PTK2: variants seen among roughly 807,000 people sequenced by gnomAD.
PTK2 encodes focal adhesion kinase 1.
A neutral mutation model predicts 150.1 loss-of-function variants in PTK2; 45 were observed. That is an observed-to-expected ratio of 0.30 (90% CI 0.24 to 0.38). The LOEUF (loss-of-function observed/expected upper bound fraction) is 0.38, where lower values mean the gene tolerates loss of function less well. Among genes scored for constraint, PTK2 ranks in the 10% least tolerant of loss-of-function variants. The pLI is 1.00. For synonymous variants in PTK2, 432 were observed against 449.2 expected (o/e 0.96, Z 0.48); for missense variants, 919 against 1,307.3 (o/e 0.70, Z 4.58).
intron 7 of PTK2, among the ~76,000 whole-genome samples, chr8:140,840,400 A>G (rs1451955894): frequency 6.6e-6 from 1 of 151,822 alleles, no homozygotes; most frequent in Non-Finnish European, 1.5e-5. Context: ...GCCAAAAATA[A>G]TAACTGTATA....
intron 10 of PTK2, among the ~76,000 whole-genome samples, chr8:140,811,436 T>A (rs189509949): frequency 6.6e-6 from 1 of 152,228 alleles, no homozygotes; most frequent in Admixed American, 6.5e-5. Flanking sequence ...ACTTCAAAGG[T>A]TGAAGAAACG....
At chr8:140,963,301 CAT>C (rs2100184055) in intron 1 of PTK2, among the ~76,000 whole-genome samples, 1 of 152,180 alleles carries the variant, frequency 6.6e-6, no homozygotes, top group Non-Finnish European at 1.5e-5. Context: ...TCCTGTTACA[CAT>C]TTCCGGAAGT....
chr8:140,716,345 G>C (rs1482707325), intron 23 of PTK2, among the ~76,000 whole-genome samples: 4 of 152,186 alleles, frequency 2.6e-5, no homozygotes, highest in Admixed American at 2.6e-4. Flanking sequence ...CAGATGCTGG[G>C]ATGCGGGGTA....
At chr8:140,688,395 A>C (rs1309028692) in intron 26 of PTK2, among the ~76,000 whole-genome samples, 1 of 152,146 alleles carries the variant, frequency 6.6e-6, no homozygotes, top group Non-Finnish European at 1.5e-5. Context: ...GCAATAGTTA[A>C]ATATAGATGA....
At chr8:140,936,090 T>C (rs2100173526) in intron 1 of PTK2, among the ~76,000 whole-genome samples, 3 of 152,142 alleles carry the variant, frequency 2.0e-5, no homozygotes, top group Non-Finnish European at 2.9e-5. Flanking sequence ...ACAGGAGGAT[T>C]GCTTGGCTAC....
intron 3 of PTK2, among the ~76,000 whole-genome samples, chr8:140,887,579 TTTG>T (rs2100152753): frequency 6.6e-6 from 1 of 152,206 alleles, no homozygotes; most frequent in Non-Finnish European, 1.5e-5. Flanking sequence ...CTCAAAAAGT[TTTG>T]TTTTTTCTGA....
intron 14 of PTK2, among the ~76,000 whole-genome samples, chr8:140,776,479 T>C (rs1488245186): frequency 5.3e-5 from 8 of 152,214 alleles, no homozygotes; most frequent in Non-Finnish European, 7.3e-5. Flanking sequence ...AGGAAAAAAC[T>C]TAGGCAAAAT....
intron 5 of PTK2, among the ~76,000 whole-genome samples, chr8:140,857,077 T>A (rs2100133123): frequency 6.6e-6 from 1 of 152,200 alleles, no homozygotes; most frequent in Non-Finnish European, 1.5e-5. Context: ...GAGAAATAAT[T>A]TCCCCACAGT....
intron 4 of PTK2, among the ~76,000 whole-genome samples, chr8:140,875,713 CTT>C (rs1331390687): frequency 6.6e-6 from 1 of 152,208 alleles, no homozygotes; most frequent in Non-Finnish European, 1.5e-5. Context: ...ACTGCACCAT[CTT>C]TTAGGATTTT....
intron 8 of PTK2, chr8:140,821,634 C>T (rs1426267608): frequency 6.6e-6 from 1 of 152,140 alleles, no homozygotes; most frequent in African/African-American, 2.4e-5. Flanking sequence ...TTCAGAGCCA[C>T]CAGCTGAAGT....
At chr8:140,674,463 G>T in intron 28 of PTK2, 59 bp from the exon 32 acceptor site, 2 of 1,457,686 alleles carry the variant, frequency 1.4e-6, no homozygotes, top group East Asian at 2.5e-5. Flanking sequence ...TAAGAGGCTG[G>T]GGGCAGTGGC....
At chr8:140,913,240 G>C (rs1396852541) in intron 2 of PTK2, among the ~76,000 whole-genome samples, 1 of 151,216 alleles carries the variant, frequency 6.6e-6, no homozygotes, top group Non-Finnish European at 1.5e-5. Context: ...AAGGCCAAAA[G>C]ATAAACTAAT....
intron 22 of PTK2, among the ~76,000 whole-genome samples, chr8:140,723,995 A>AAG (rs2100044400): frequency 6.6e-6 from 1 of 152,244 alleles, no homozygotes; most frequent in African/African-American, 2.4e-5. Flanking sequence ...GATGGTGAGC[A>AAG]AGAAAGTAGT....
Position 140,931,225 on chromosome 8 carries a change from G to A in PTK2, c.-121-5476C>T, listed in dbSNP as rs1056377690. Among the ~76,000 whole-genome samples, 3 of 151,906 alleles carry A rather than the reference G, an allele frequency of 2.0e-5. No homozygotes were observed. The East Asian group carries it at 5.8e-4, about 29-fold the overall frequency. The stretch of plus-strand genomic sequence containing the variant: ...CTAGATAGAATCACTGTTCCTAATT[G>A]TTTGTGTAACCTTCTGGAGGTGTTC... On this transcript the variant is annotated intron_variant, in intron 1 of 31. Coordinates refer to ENST00000522684, the Ensembl canonical transcript of PTK2.
intron 5 of PTK2, among the ~76,000 whole-genome samples, chr8:140,861,003 G>A (rs1392626664): frequency 6.6e-6 from 1 of 152,242 alleles, no homozygotes; most frequent in Admixed American, 6.5e-5. Context: ...TATTAGAATA[G>A]AGATAATTTA....
intron 1 of PTK2, among the ~76,000 whole-genome samples, chr8:140,996,535 C>T (rs1322831030): frequency 1.3e-5 from 2 of 152,166 alleles, no homozygotes; most frequent in South Asian, 2.1e-4. Context: ...GGCTGACTCT[C>T]GTTAGGGGCT....
chr8:140,990,712 C>T (rs1266208225), intron 1 of PTK2, among the ~76,000 whole-genome samples: 1 of 151,944 alleles, frequency 6.6e-6, no homozygotes, highest in South Asian at 2.1e-4. Context: ...TTTGTTTATC[C>T]CTACTCTTCT....
At position 140,819,033 on chromosome 8, in the gene PTK2, A is replaced by G; in HGVS notation, c.649-13T>C. On this transcript the variant is annotated splice_polypyrimidine_tract_variant and intron_variant, in intron 8 of 31. Transcript: ENST00000522684. ...TTAGTGTTTTGGCCTGCATGACAAA[A>G]TTACCAAAACATCTTGTAAAAATCA... 1 of 1,609,316 alleles carries G rather than the reference A, an allele frequency of 6.2e-7. No homozygotes were observed. Among genetic ancestry groups the G allele is most frequent in the Non-Finnish European group, 8.5e-7 (1 of 1,178,014 alleles).
rs1302529456 is a variant in PTK2, at chr8:140,918,237, C to T, written c.-33+7424G>A. On this transcript the variant is annotated intron_variant, in intron 2 of 31. Transcript: ENST00000522684. ...GCACTGAAAAGCCAAAATAATTGTGCTATTAATGAGCAAAAGGACAACGGC... is the reference window on the plus strand; with the variant it reads ...GCACTGAAAAGCCAAAATAATTGTGTTATTAATGAGCAAAAGGACAACGGC... Among the ~76,000 whole-genome samples the T allele has an allele frequency of 2.0e-5, 3 of 152,118 alleles. No individual in the cohort carries two copies. The East Asian group carries it at 5.8e-4, about 29-fold the overall frequency.
Sources: gnomAD v4.1 joint callset for allele counts (sites outside exome capture counted in the v4.1 genomes callset) on GRCh38, gnomAD v4.1.1 for gene constraint, MANE v1.5 for transcripts, NCBI Gene and HGNC (gene_info 2026-07-23, HGNC 2026-07-21) for gene names.